OSR1: variants seen among roughly 807,000 people sequenced by gnomAD.
OSR1 encodes odd-skipped related transcription factor 1.
OSR1 carries 3 observed loss-of-function variants against 15.7 expected under a neutral mutation model. The observed-to-expected ratio is 0.19, with a 90% CI of 0.09 to 0.50. The LOEUF (loss-of-function observed/expected upper bound fraction) is 0.50, where lower values mean the gene tolerates loss of function less well. Among genes scored for constraint, OSR1 ranks in the 20% least tolerant of loss-of-function variants. The probability of loss-of-function intolerance (pLI) is 0.97; values close to 1 mark genes in which losing one functional copy is unlikely to be tolerated. For missense variants in OSR1, 271 were observed against 351.1 expected (o/e 0.77, Z 1.82); for synonymous variants, 166 against 152.7 (o/e 1.09, Z -0.64).
At position 19,354,086 on chromosome 2, in the gene OSR1, A is replaced by G. The variant is rs1412602297; in HGVS notation, c.-32-249T>C. On this transcript the variant is annotated intron_variant, in intron 1 of 2. Transcript: ENST00000272223. ...CCTCCAAATGGCGTCTGGCAGAGCC[A>G]CACAACTTGATAGAGGGAAGGGCCT... is the stretch of plus-strand genomic sequence containing the variant. 6.8e-6 allele frequency: 3 copies of G among 442,958 alleles called. No homozygotes were observed. In the Admixed American group the frequency reaches 1.1e-4, roughly 16 times the overall value. 27.4% of individuals were successfully genotyped at this position (442,958 alleles called of 1,614,324 possible).
chr2:19,348,746 ACT>A (rs546486291), downstream of OSR1, among the ~76,000 whole-genome samples: 196 of 152,002 alleles, frequency 1.3e-3, no homozygotes, highest in Non-Finnish European at 2.4e-3. Flanking sequence ...AACCTGAAAC[ACT>A]CTCTCCCAGG....
In OSR1 at chr2:19,353,833, C is replaced by T. The variant is rs375559109; in HGVS notation, c.-28G>A. On this transcript the variant is annotated 5_prime_UTR_variant, in exon 2 of 3. Coordinates refer to ENST00000272223, the MANE Select transcript of OSR1 (RefSeq NM_145260.3). The stretch of plus-strand genomic sequence containing the variant: ...CGGTAGTTGCAGTGGCTTCTCAATC[C>T]GGATCTGCAAAGAAAAGAAGAAGGC... 1.1e-5 allele frequency: 17 copies of T among 1,587,874 alleles called. No individual in the cohort carries two copies. Among genetic ancestry groups the T allele is most frequent in the Admixed American group, 3.6e-5 (2 of 56,186 alleles).
chr2:19,348,054 G>T (rs75572126), downstream of OSR1, among the ~76,000 whole-genome samples: 4,094 of 152,344 alleles, frequency 0.027, 183 homozygotes, highest in African/African-American at 0.093. Context: ...GCCTGCGCGT[G>T]GCGCTTGCGC....
chr2:19,346,853 T>C (rs1195718023), downstream of OSR1: 1 of 152,236 alleles, frequency 6.6e-6, no homozygotes, highest in African/African-American at 2.4e-5. Flanking sequence ...ATCTTTGCAG[T>C]CACACTTGCC....
At chr2:19,354,399 A>G (rs1035370431) in intron 1 of OSR1, 1 of 152,474 alleles carries the variant, frequency 6.6e-6, no homozygotes, top group African/African-American at 2.4e-5. Context: ...TCACACACAC[A>G]CACACACACA....
At position 19,352,038 on chromosome 2, in the gene OSR1, G is replaced by A. The variant is rs1664850542; in HGVS notation, c.*237C>T. On this transcript the variant is annotated 3_prime_UTR_variant, in exon 3 of 3. Coordinates refer to ENST00000272223, the MANE Select transcript of OSR1 (RefSeq NM_145260.3). ...ATGCAGTTTCCCTTCCGCCACGTGA[G>A]TACCGCCTTTTGGCCAAGAGTTTAG... 4.9e-6 allele frequency: 2 copies of A among 406,902 alleles called. No individual in the cohort carries two copies. Among genetic ancestry groups the A allele is most frequent in the South Asian group, 8.0e-5 (1 of 12,428 alleles). 25.2% of individuals were successfully genotyped at this position (406,902 alleles called of 1,614,324 possible). A position where few individuals can be genotyped will look rare whatever the true frequency, so the allele number is the denominator to read the frequency against.
rs1664843435 is a variant in OSR1 at position 19,351,725 on chromosome 2, G to A, written c.*550C>T. On this transcript the variant is annotated 3_prime_UTR_variant, in exon 3 of 3. Transcript: ENST00000272223. Reference sequence around the variant, plus strand: ...GCCGCCAGCTGAGCTGCAAGAGCTGGGAGGGGGCTGCCCCGCGGTCCCTAG... The same window carrying A: ...GCCGCCAGCTGAGCTGCAAGAGCTGAGAGGGGGCTGCCCCGCGGTCCCTAG... 6.5e-6 allele frequency: 1 copy of A among 152,716 alleles called. No individual in the cohort carries two copies. The highest frequency in any genetic ancestry group is 2.4e-5 in the African/African-American group (1 of 41,446). The allele number at this position is 152,716 out of a possible 1,614,324, so 9.5% of individuals were successfully genotyped here.
chr2:19,358,234 T>A (rs1275804441), intron 1 of OSR1, 107 bp downstream of exon 1: 1 of 152,486 alleles, frequency 6.6e-6, no homozygotes, highest in Non-Finnish European at 1.5e-5. Flanking sequence ...AAGAGCTTCC[T>A]TCAGGGGCAT....
chr2:19,352,248 A>T lies in OSR1; in HGVS notation c.*27T>A, dbSNP rs775639425. The stretch of plus-strand genomic sequence containing the variant: ...TATGGAGGAGAGGGCCGCTGGGCCT[A>T]GGGTCCTTGTGACCCACAGGTTCTA... On this transcript the variant is annotated 3_prime_UTR_variant, in exon 3 of 3. Coordinates refer to ENST00000272223, the MANE Select transcript of OSR1 (RefSeq NM_145260.3). The T allele has an allele frequency of 1.2e-6, 2 of 1,612,984 alleles. No individual in the cohort carries two copies. The highest frequency in any genetic ancestry group is 1.7e-6 in the Non-Finnish European group (2 of 1,179,228).
At chr2:19,347,986 A>G (rs1360620038), downstream of OSR1, among the ~76,000 whole-genome samples, 1 of 152,228 alleles carries the variant, frequency 6.6e-6, no homozygotes, top group Non-Finnish European at 1.5e-5. Context: ...ATTTCCACGC[A>G]CCGCCGTCAG....
chr2:19,353,195 G>A lies in OSR1; in HGVS notation c.611C>T (p.Thr204Ile), dbSNP rs1328234056. 1 of 1,614,242 alleles carries A rather than the reference G, an allele frequency of 6.2e-7. No homozygotes were observed. Among genetic ancestry groups the A allele is most frequent in the Non-Finnish European group, 8.5e-7 (1 of 1,180,044 alleles). ...GAAGGCTTTGTGGCAGATGTCACAG[G>A]TGTAGGGCCGCTCGTCGGTGTGCGT... The part of the protein sequence containing the change: ...ERTHTDERPY[T>I]CDICHKAFRR... The change falls in exon 2 of 3, where the codon ACC (threonine) becomes ATC (isoleucine). Residue 204 changes from threonine to isoleucine, a missense_variant. Coordinates refer to ENST00000272223, the MANE Select transcript of OSR1 (RefSeq NM_145260.3).
Position 19,357,813 on chromosome 2 carries a change from C to T in OSR1, c.-33+528G>A, listed in dbSNP as rs914720667. 16 of 152,274 alleles carry T rather than the reference C, an allele frequency of 1.1e-4. No homozygotes were observed. The highest frequency in any genetic ancestry group is 3.9e-4 in the African/African-American group (16 of 41,464). 9.4% of individuals were successfully genotyped at this position (152,274 alleles called of 1,614,324 possible). A position where few individuals can be genotyped will look rare whatever the true frequency, so the allele number is the denominator to read the frequency against. On this transcript the variant is annotated intron_variant, in intron 1 of 2. Transcript: ENST00000272223. This position sits in a 1 kb window ranked among gnomAD's most constrained non-coding sequence, Gnocchi z 5.0. ...GCCCTGCGCTCTCGGGTCTAGGCGG[C>T]CTCATACTAGAGCGCAACTCCTCAA...
chr2:19,353,566 C>T lies in OSR1; in HGVS notation c.240G>A (p.Val80=), dbSNP rs747789775. ...AGGCGGGCAGCTGGAAGCGCGCATC[C>T]ACCAAGCTGGACACCGTGCCCGGCA... is the stretch of plus-strand genomic sequence containing the variant. ...SKVPGTVSSL[V]DARFQLPAFP... is the part of the protein sequence containing the mutation. Residue 80 remains valine (V), a synonymous_variant, in exon 2 of 3, where the codon GTG becomes GTA. Coordinates refer to ENST00000272223, the MANE Select transcript of OSR1 (RefSeq NM_145260.3). The T allele has an allele frequency of 1.2e-6, 2 of 1,614,216 alleles. No homozygotes were observed. The highest frequency in any genetic ancestry group is 1.7e-5 in the Admixed American group (1 of 60,032).
chr2:19,349,725 A>T (rs1456907602), downstream of OSR1, among the ~76,000 whole-genome samples: 1 of 152,158 alleles, frequency 6.6e-6, no homozygotes, highest in Non-Finnish European at 1.5e-5. Context: ...GTCAGGGGCT[A>T]GGGAAGAGCA....
intron 1 of OSR1, 101 bp from the exon 2 acceptor site, chr2:19,353,938 C>T (rs1236404952): frequency 4.1e-6 from 4 of 964,266 alleles, no homozygotes; most frequent in Admixed American, 5.6e-5. Flanking sequence ...CCTCTCCTCA[C>T]ACCCAGCGCA....
chr2:19,353,004 T>C (rs1471580925), intron 2 of OSR1, 137 bp downstream of exon 2: 1 of 1,134,782 alleles, frequency 8.8e-7, no homozygotes, highest in Non-Finnish European at 1.2e-6. Flanking sequence ...CTCCTAGGCT[T>C]TCCTTCTTGA....
downstream of OSR1, among the ~76,000 whole-genome samples, chr2:19,347,802 C>T (rs746372353): frequency 5.2e-4 from 79 of 152,358 alleles, no homozygotes; most frequent in Admixed American, 1.0e-3. Flanking sequence ...TGTAGGACCG[C>T]GGCGCTGGAC....
downstream of OSR1, among the ~76,000 whole-genome samples, chr2:19,351,108 C>T (rs1007483846): frequency 9.2e-5 from 14 of 152,148 alleles, no homozygotes; most frequent in African/African-American, 3.4e-4. Flanking sequence ...ATTCTCTTCT[C>T]TTCTTGCACC....
chr2:19,345,746 T>C, the OSR1 span, among the ~76,000 whole-genome samples: 1 of 152,230 alleles, frequency 6.6e-6, no homozygotes. Flanking sequence ...GCACAACACA[T>C]GCTCTGGTCC....
Sources: allele counts gnomAD v4.1 joint callset (sites outside exome capture counted in the v4.1 genomes callset), GRCh38; gene constraint gnomAD v4.1.1; non-coding constraint Gnocchi (gnomAD v3.1); transcripts MANE v1.5; gene names NCBI Gene and HGNC (gene_info 2026-07-23, HGNC 2026-07-21).